Variants in NUMB observed in about 807,000 individuals in gnomAD.
NUMB encodes the protein NUMB endocytic adaptor protein, also known as protein numb homolog.
In NUMB, 29 loss-of-function variants were observed where a neutral mutation model predicts 59.7. The ratio of observed to expected loss-of-function variants is 0.49; its 90% CI spans 0.36 to 0.66. NUMB has a LOEUF of 0.66. NUMB is among the 30% of genes least tolerant of loss of function. The pLI is 0.00. For missense variants in NUMB, 723 were observed against 822.0 expected (o/e 0.88, Z 1.47); for synonymous variants, 288 against 288.2 (o/e 1.00, Z 0.01).
Position 73,372,367 on chromosome 14 carries a change from A to ATATATATATATATATAACCTTT in NUMB, c.-100-5387_-100-5386insAAAGGTTATATATATATATATA, listed in dbSNP as rs1566766632. 2.0e-3 allele frequency among the ~76,000 whole-genome samples: 162 copies of ATATATATATATATATAACCTTT among 82,594 alleles called. 1 individual carries two copies. The highest frequency in any genetic ancestry group is 6.0e-3 in the Middle Eastern group (1 of 166). 54.2% of individuals were successfully genotyped at this position (82,594 alleles called of 152,430 possible). ...TTTATATATATATATATAACCTTTT[A>ATATATATATATATATAACCTTT]TATATATATATATAAATGTGTATGT... On this transcript the variant is annotated intron_variant, in intron 2 of 12. Transcript: ENST00000555238.
chr14:73,393,129 A>G (rs947521205), intron 2 of NUMB, among the ~76,000 whole-genome samples: 4 of 152,230 alleles, frequency 2.6e-5, no homozygotes, highest in Non-Finnish European at 4.4e-5. Context: ...TAAATTACTA[A>G]GTGTCTATGT....
intron 3 of NUMB, among the ~76,000 whole-genome samples, chr14:73,360,624 T>A (rs1022531438): frequency 2.8e-4 from 42 of 152,162 alleles, no homozygotes; most frequent in Non-Finnish European, 8.8e-5. Flanking sequence ...TTTTCCCAAC[T>A]AACTCTTTAT....
intron 3 of NUMB, among the ~76,000 whole-genome samples, chr14:73,357,414 G>A (rs1321955389): frequency 7.5e-6 from 1 of 133,180 alleles, no homozygotes; most frequent in African/African-American, 2.8e-5. Context: ...AAAAAAAAAA[G>A]AAAGAAAGAA....
intron 4 of NUMB, among the ~76,000 whole-genome samples, chr14:73,336,746 G>C (rs147477781): frequency 6.8e-4 from 104 of 152,248 alleles, no homozygotes; most frequent in African/African-American, 2.2e-3. Flanking sequence ...AACTTTACAG[G>C]CCAATCTGTC....
chr14:73,292,672 A>AC, intron 8 of NUMB, 62 bp downstream of exon 8: 2 of 1,567,434 alleles, frequency 1.3e-6, no homozygotes, highest in Non-Finnish European at 1.7e-6. Flanking sequence ...GGCTGAGCAA[A>AC]CCCAGAAAGA....
intron 3 of NUMB, among the ~76,000 whole-genome samples, chr14:73,361,013 C>A (rs148940063): frequency 1.3e-5 from 2 of 152,004 alleles, no homozygotes; most frequent in African/African-American, 4.8e-5. Context: ...CTCAGCCTCC[C>A]GAGTAGCTGG....
intron 4 of NUMB, among the ~76,000 whole-genome samples, chr14:73,342,697 G>GCAA (rs1258026178): frequency 3.3e-5 from 5 of 152,170 alleles, no homozygotes; most frequent in Admixed American, 1.3e-4. Flanking sequence ...AGCAGCAGCA[G>GCAA]CAACTAACGT....
chr14:73,382,319 G>T (rs1307928359), intron 2 of NUMB, among the ~76,000 whole-genome samples: 3 of 151,906 alleles, frequency 2.0e-5, no homozygotes, highest in African/African-American at 7.3e-5. Context: ...GCTAATTTTT[G>T]TATTTTTAGT....
rs79156004 is a variant in NUMB at position 73,301,259 on chromosome 14, T to C, written c.235-3974A>G. On this transcript the variant is annotated intron_variant, in intron 6 of 12. Transcript: ENST00000555238. ...TAAGATATTTAAATTTGCAGTTTAA[T>C]CAATCTGCTCATTGTATAATTGTAG... is the stretch of plus-strand genomic sequence containing the variant. 5.7e-3 allele frequency among the ~76,000 whole-genome samples: 864 copies of C among 152,346 alleles called. 6 individuals are homozygous for C. The highest frequency in any genetic ancestry group is 0.011 in the Non-Finnish European group (721 of 68,038).
At chr14:73,342,623 C>A (rs1365668710) in intron 4 of NUMB, among the ~76,000 whole-genome samples, 1 of 152,040 alleles carries the variant, frequency 6.6e-6, no homozygotes, top group Admixed American at 6.6e-5. Flanking sequence ...ATTAAAAATT[C>A]AATGAAGGAA....
chr14:73,383,745 G>A (rs1344352850), intron 2 of NUMB, among the ~76,000 whole-genome samples: 1 of 152,154 alleles, frequency 6.6e-6, no homozygotes, highest in Non-Finnish European at 1.5e-5. Context: ...GCTGGGCACG[G>A]TGGCTCACAT....
At chr14:73,423,432 A>G (rs1897441657) in intron 1 of NUMB, among the ~76,000 whole-genome samples, 1 of 151,832 alleles carries the variant, frequency 6.6e-6, no homozygotes, top group Non-Finnish European at 1.5e-5. Flanking sequence ...TGAGGTCAGG[A>G]GTTGTAGACC....
rs144655077 is a variant in NUMB, at chr14:73,305,388, C to T, written c.235-8103G>A. Among the ~76,000 whole-genome samples, 606 of 151,884 alleles carry T rather than the reference C, an allele frequency of 4.0e-3. 1 individual carries two copies. Among genetic ancestry groups the T allele is most frequent in the Non-Finnish European group, 6.6e-3 (451 of 67,970 alleles). ...ATTAGACCTGTTGGAACTGTGTCCC[C>T]GAATTCATTTTCTTTTTTTTTTCTG... On this transcript the variant is annotated intron_variant, in intron 6 of 12. Coordinates refer to ENST00000555238, the MANE Select transcript of NUMB (RefSeq NM_001005743.2).
chr14:73,379,455 A>G (rs184781756), intron 2 of NUMB, among the ~76,000 whole-genome samples: 24 of 152,344 alleles, frequency 1.6e-4, no homozygotes, highest in Admixed American at 2.0e-4. Flanking sequence ...CTTTATTTGG[A>G]GAGACTGTCA....
At chr14:73,333,031 GAAT>G (rs749900736) in intron 4 of NUMB, among the ~76,000 whole-genome samples, 6 of 152,150 alleles carry the variant, frequency 3.9e-5, no homozygotes, top group Non-Finnish European at 5.9e-5. Context: ...GGACTGTGGT[GAAT>G]AGTAGTGCTA....
intron 9 of NUMB, among the ~76,000 whole-genome samples, chr14:73,285,965 C>T (rs1013990129): frequency 2.0e-5 from 3 of 149,348 alleles, no homozygotes; most frequent in Non-Finnish European, 4.5e-5. Context: ...AAAACAACAA[C>T]AACAAAAATG....
chr14:73,397,145 C>CAAAACAAAAT (rs71112750), intron 2 of NUMB, among the ~76,000 whole-genome samples: 2,154 of 151,882 alleles, frequency 0.014, 26 homozygotes, highest in Middle Eastern at 0.024. Flanking sequence ...CAAAACAAAA[C>CAAAACAAAAT]AAAACAAAAT....
At chr14:73,377,133 G>T (rs1321113771) in intron 2 of NUMB, among the ~76,000 whole-genome samples, 2 of 152,116 alleles carry the variant, frequency 1.3e-5, no homozygotes, top group South Asian at 4.1e-4. Context: ...TAAAGCTCCT[G>T]GAAGATAACA....
chr14:73,410,162 T>C (rs1896839492), intron 1 of NUMB, 94 bp from the exon 2 acceptor site: 1 of 152,128 alleles, frequency 6.6e-6, no homozygotes, highest in African/African-American at 2.4e-5. Context: ...ACTGATGGAG[T>C]TGGTTACGAT....
Sources: allele counts gnomAD v4.1 joint callset (sites outside exome capture counted in the v4.1 genomes callset), GRCh38; gene constraint gnomAD v4.1.1; transcripts MANE v1.5; gene names NCBI Gene and HGNC (gene_info 2026-07-23, HGNC 2026-07-21).